ZNF138: variants seen among roughly 807,000 people sequenced by gnomAD.
ZNF138 encodes zinc finger protein 138 (clone pHZ-32).
ZNF138 carries 33 observed loss-of-function variants against 33.0 expected under a neutral mutation model. The ratio of observed to expected loss-of-function variants is 1.00; its 90% confidence interval spans 0.76 to 1.34. The LOEUF (loss-of-function observed/expected upper bound fraction) is 1.34, where lower values mean the gene tolerates loss of function less well. Ranked by LOEUF, ZNF138 falls within the 40% of genes most tolerant of loss-of-function variation. The pLI, the probability that ZNF138 is intolerant of heterozygous loss-of-function variation, is 0.00. For missense variants in ZNF138, 360 were observed against 370.8 expected (o/e 0.97, Z 0.24); for synonymous variants, 139 against 120.4 (o/e 1.15, Z -1.01).
chr7:64,858,497 A>G, the ZNF138 span, among the ~76,000 whole-genome samples: 1 of 152,240 alleles, frequency 6.6e-6, no homozygotes, highest in Non-Finnish European at 1.5e-5. Flanking sequence ...TCAGTATACA[A>G]TCTGCATTGC....
the ZNF138 span, among the ~76,000 whole-genome samples, chr7:64,846,137 C>T: frequency 0.033 from 5,000 of 152,172 alleles, 275 homozygotes; most frequent in African/African-American, 0.11. Context: ...GTTTTTATAC[C>T]GGTACCATGC....
At chr7:64,807,001 C>G (rs1453317625) in intron 1 of ZNF138, among the ~76,000 whole-genome samples, 1 of 152,180 alleles carries the variant, frequency 6.6e-6, no homozygotes, top group Non-Finnish European at 1.5e-5. Context: ...AAGGGCAAGG[C>G]ACACCTGGCC....
rs775477398 is a variant in ZNF138, at chr7:64,831,713, CAAGAT to C, written c.476_480del (p.Ile159ThrfsTer3). 3.2e-5 allele frequency: 51 copies of C among 1,610,572 alleles called. No individual in the cohort carries two copies. Among genetic ancestry groups the C allele is most frequent in the South Asian group, 5.5e-5 (5 of 90,128 alleles). Reference sequence around the variant, plus strand: ...ATAAATTTTCAAATTCAAATAGACACAAGATAAGACATACTGAAAATAAACATTTC... The same window carrying C: ...ATAAATTTTCAAATTCAAATAGACACAAGACATACTGAAAATAAACATTTC... On this transcript the variant is annotated frameshift_variant, in exon 4 of 4. Coordinates refer to ENST00000307355, the MANE Select transcript of ZNF138 (RefSeq NM_001271639.2). LOFTEE classifies it high-confidence loss of function.
At chr7:64,825,711 T>A (rs1180705098) in intron 3 of ZNF138, among the ~76,000 whole-genome samples, 1 of 151,904 alleles carries the variant, frequency 6.6e-6, no homozygotes, top group African/African-American at 2.4e-5. Flanking sequence ...AGCTAATTTT[T>A]GTATTTTCGG....
At chr7:64,853,370 C>T in the ZNF138 span, 6 of 1,383,450 alleles carry the variant, frequency 4.3e-6, no homozygotes, top group African/African-American at 1.4e-5. Flanking sequence ...TTGGGCCCCA[C>T]TCTCCTCACA....
chr7:64,825,837 A>G (rs1483866015), intron 3 of ZNF138, among the ~76,000 whole-genome samples: 1 of 151,406 alleles, frequency 6.6e-6, no homozygotes, highest in Non-Finnish European at 1.5e-5. Flanking sequence ...GCGCCTGGCC[A>G]TTATTCATTT....
At chr7:64,823,883 A>G (rs918566585) in intron 3 of ZNF138, among the ~76,000 whole-genome samples, 1 of 152,196 alleles carries the variant, frequency 6.6e-6, no homozygotes, top group Admixed American at 6.5e-5. Context: ...GGTTGCAGTG[A>G]GCTGAGATCG....
At chr7:64,853,129 G>A in the ZNF138 span, 77 of 1,436,444 alleles carry the variant, frequency 5.4e-5, no homozygotes, top group East Asian at 5.7e-4. Context: ...AAAGCCCACC[G>A]TGTCTCAAAG....
At chr7:64,814,297 C>T (rs1384254418) in intron 1 of ZNF138, 1 of 288,230 alleles carries the variant, frequency 3.5e-6, no homozygotes, top group African/African-American at 2.3e-5. Flanking sequence ...GAAAAATACA[C>T]ACAACTTATT....
chr7:64,848,580 G>A, the ZNF138 span, among the ~76,000 whole-genome samples: 1 of 151,126 alleles, frequency 6.6e-6, no homozygotes, highest in Non-Finnish European at 1.5e-5. Context: ...TCCTAAGTTG[G>A]ACTTCACCTT....
At chr7:64,853,328 C>T in the ZNF138 span, 46 of 1,602,382 alleles carry the variant, frequency 2.9e-5, no homozygotes, top group African/African-American at 1.7e-4. Context: ...CGTAACTTTC[C>T]GGGTTAAAGG....
chr7:64,838,713 G>T, the ZNF138 span, among the ~76,000 whole-genome samples: 1 of 152,310 alleles, frequency 6.6e-6, no homozygotes. Flanking sequence ...GTTAGGAGTT[G>T]TAGATGTAGT....
chr7:64,851,949 A>T, the ZNF138 span, among the ~76,000 whole-genome samples: 3 of 152,222 alleles, frequency 2.0e-5, no homozygotes, highest in Non-Finnish European at 4.4e-5. Flanking sequence ...GGATGCCGTC[A>T]TGTGCCACTG....
the ZNF138 span, among the ~76,000 whole-genome samples, chr7:64,848,682 C>T: frequency 7.0e-6 from 1 of 143,554 alleles, no homozygotes; most frequent in Middle Eastern, 3.6e-3. Flanking sequence ...AGATCCATTG[C>T]TGGTGAGTGT....
intron 3 of ZNF138, among the ~76,000 whole-genome samples, chr7:64,823,021 C>T (rs1032739530): frequency 3.3e-5 from 5 of 152,004 alleles, no homozygotes; most frequent in Non-Finnish European, 5.9e-5. Context: ...GCTGAGATTA[C>T]AGACATGCAC....
chr7:64,794,661 C>T, intron 1 of ZNF138, 90 bp downstream of exon 1: 4 of 1,586,064 alleles, frequency 2.5e-6, no homozygotes, highest in East Asian at 2.3e-5. Context: ...CGGGTCTTCC[C>T]GCAGTCGGCT....
chr7:64,802,040 A>G (rs1046718996), intron 1 of ZNF138, among the ~76,000 whole-genome samples: 1 of 152,214 alleles, frequency 6.6e-6, no homozygotes, highest in African/African-American at 2.4e-5. Context: ...GATCAGGCCA[A>G]GGTGGTCGGG....
the ZNF138 span, among the ~76,000 whole-genome samples, chr7:64,849,892 G>C: frequency 1.3e-5 from 2 of 152,160 alleles, no homozygotes; most frequent in South Asian, 4.1e-4. Flanking sequence ...AGCTGCAAAA[G>C]CAAGCAGGGC....
chr7:64,826,994 C>T (rs1789671420), intron 3 of ZNF138, among the ~76,000 whole-genome samples: 2 of 152,014 alleles, frequency 1.3e-5, no homozygotes, highest in Non-Finnish European at 2.9e-5. Flanking sequence ...TTTTATGCAC[C>T]ATCATTATTA....
Sources: gnomAD v4.1 joint callset for allele counts (sites outside exome capture counted in the v4.1 genomes callset) on GRCh38, gnomAD v4.1.1 for gene constraint, MANE v1.5 for transcripts, NCBI Gene and HGNC (gene_info 2026-07-23, HGNC 2026-07-21) for gene names.